Variants in TXNRD1 observed in about 807,000 individuals in gnomAD.
TXNRD1 encodes the protein thioredoxin reductase 1, also known as thioredoxin reductase 1, cytoplasmic.
A neutral mutation model predicts 80.3 loss-of-function variants in TXNRD1; 57 were observed. That is an observed-to-expected ratio of 0.71 (90% CI 0.57 to 0.89). The LOEUF is 0.89. Among genes scored for constraint, TXNRD1 ranks in the 40% least tolerant of loss-of-function variants. TXNRD1 has a pLI of 0.00. For synonymous variants in TXNRD1, 291 were observed against 285.2 expected, an observed-to-expected ratio of 1.02 and a Z score of -0.20; for missense variants, 730 against 803.0, an observed-to-expected ratio of 0.91 and a Z score of 1.10.
At chr12:104,302,458 C>A (rs368166699) in intron 4 of TXNRD1, among the ~76,000 whole-genome samples, 5 of 115,076 alleles carry the variant, frequency 4.3e-5, no homozygotes, top group African/African-American at 1.7e-4. Context: ...TGTGCATGTT[C>A]TCTTTAAAAA....
intron 10 of TXNRD1, among the ~76,000 whole-genome samples, chr12:104,323,511 G>A (rs1347411212): frequency 6.8e-6 from 1 of 147,718 alleles, no homozygotes; most frequent in African/African-American, 2.5e-5. Flanking sequence ...CCCGGACGGG[G>A]CGGCTGGCCG....
At chr12:104,288,743 C>T in intron 3 of TXNRD1, 188 bp from the exon 4 acceptor site, 1 of 1,467,740 alleles carries the variant, frequency 6.8e-7, no homozygotes, top group Non-Finnish European at 9.1e-7. Context: ...CGGGGTCAGA[C>T]TCCAAGCTTG....
chr12:104,339,327 G>A (rs1231357288), intron 16 of TXNRD1, 54 bp downstream of exon 16: 1 of 1,608,592 alleles, frequency 6.2e-7, no homozygotes, highest in Non-Finnish European at 8.5e-7. Flanking sequence ...CCACATAGAA[G>A]CACACCACCC....
intron 1 of TXNRD1, among the ~76,000 whole-genome samples, chr12:104,248,424 A>G (rs955760055): frequency 2.0e-5 from 3 of 152,164 alleles, no homozygotes; most frequent in African/African-American, 7.2e-5. Context: ...AGCTGGGATT[A>G]CAGGCGCGTG....
chr12:104,264,505 T>G (rs912513513), intron 3 of TXNRD1, among the ~76,000 whole-genome samples: 1 of 152,214 alleles, frequency 6.6e-6, no homozygotes, highest in African/African-American at 2.4e-5. Context: ...TTTGGTTTTG[T>G]CTATAAAAAT....
At chr12:104,295,751 A>C (rs529108184) in intron 4 of TXNRD1, among the ~76,000 whole-genome samples, 77 of 152,254 alleles carry the variant, frequency 5.1e-4, no homozygotes, top group Non-Finnish European at 9.6e-4. Flanking sequence ...TCCCACGACA[A>C]TCCCATAAGT....
intron 3 of TXNRD1, among the ~76,000 whole-genome samples, chr12:104,260,598 C>CA (rs2033347167): frequency 6.6e-6 from 1 of 152,164 alleles, no homozygotes; most frequent in Non-Finnish European, 1.5e-5. Flanking sequence ...TCCATAATAC[C>CA]ATGTTGTCTG....
intron 3 of TXNRD1, among the ~76,000 whole-genome samples, chr12:104,266,180 C>T (rs2033481643): frequency 6.6e-6 from 1 of 152,096 alleles, no homozygotes. Flanking sequence ...ATTGTAGTCA[C>T]TGTGTTGTAT....
At chr12:104,284,858 G>A (rs778735362) in intron 3 of TXNRD1, among the ~76,000 whole-genome samples, 2 of 152,130 alleles carry the variant, frequency 1.3e-5, no homozygotes, top group Non-Finnish European at 2.9e-5. Context: ...GATGCGAAAT[G>A]TATGATTAAA....
intron 4 of TXNRD1, among the ~76,000 whole-genome samples, chr12:104,293,718 AGT>A (rs1339072618): frequency 1.3e-5 from 2 of 152,146 alleles, no homozygotes; most frequent in Admixed American, 1.3e-4. Context: ...GCGACGAGAG[AGT>A]GTAGAAATAA....
chr12:104,215,837 C>A lies in TXNRD1; in HGVS notation c.35C>A (p.Ala12Asp). The change falls in exon 1 of 17, where the codon GCC (alanine) becomes GAC (aspartate). Residue 12 changes from alanine to aspartate, a missense_variant. By Grantham distance (126) the Ala-to-Asp change is moderately radical. Transcript: ENST00000525566. The stretch of plus-strand genomic sequence containing the variant: ...GCCGAGGGCAAGGCAGTGGCGGCGG[C>A]CGCCCCAACGGAGCTGCAGACGAAA... ...GCAEGKAVAA[A>D]APTELQTKGK... The A allele has an allele frequency of 6.4e-7, 1 of 1,561,222 alleles. No individual in the cohort carries two copies. The highest frequency in any genetic ancestry group is 1.9e-5 in the Admixed American group (1 of 51,908).
chr12:104,316,017 T>G, intron 7 of TXNRD1, 121 bp downstream of exon 7: 1 of 1,099,528 alleles, frequency 9.1e-7, no homozygotes, highest in Non-Finnish European at 1.3e-6. Flanking sequence ...ATTGTTTACA[T>G]TTTTGATGGA....
chr12:104,316,316 G>A (rs116279844), intron 7 of TXNRD1, among the ~76,000 whole-genome samples: 2 of 151,724 alleles, frequency 1.3e-5, no homozygotes, highest in Non-Finnish European at 3.0e-5. Context: ...GTTAGGCTTT[G>A]TTGGATTAAA....
chr12:104,304,528 T>C, intron 4 of TXNRD1: 3 of 1,613,948 alleles, frequency 1.9e-6, no homozygotes, highest in Non-Finnish European at 2.5e-6. Flanking sequence ...TGGAAGAAAA[T>C]GGCAACATGC....
At chr12:104,278,925 T>G (rs1390113822) in intron 3 of TXNRD1, among the ~76,000 whole-genome samples, 1 of 152,244 alleles carries the variant, frequency 6.6e-6, no homozygotes, top group Non-Finnish European at 1.5e-5. Flanking sequence ...ATTAACTAAG[T>G]AATATCTGCA....
At chr12:104,318,649 T>C (rs978824488) in intron 7 of TXNRD1, among the ~76,000 whole-genome samples, 5 of 152,218 alleles carry the variant, frequency 3.3e-5, no homozygotes, top group East Asian at 1.9e-4. Flanking sequence ...AGTTCGTTTC[T>C]AGATAAAGAA....
In TXNRD1 at chr12:104,304,793, A is replaced by T. The variant is rs866455204; in HGVS notation, c.415-6497A>T. The T allele has an allele frequency of 2.5e-6, 4 of 1,614,008 alleles. No homozygotes were observed. In the South Asian group the frequency reaches 3.3e-5, roughly 13 times the overall value. ...CAGGCTGCCAATATTAGAGCCGATG[A>T]ATGTTAACCAAATGGGTGAGGGAAA... On this transcript the variant is annotated intron_variant, in intron 4 of 16. Transcript: ENST00000525566.
intron 4 of TXNRD1, among the ~76,000 whole-genome samples, chr12:104,302,486 C>CTTTTTTGTTTTTTT (rs2034667820): frequency 1.3e-5 from 1 of 76,226 alleles, no homozygotes; most frequent in Non-Finnish European, 2.3e-5. Flanking sequence ...TATTCATTCC[C>CTTTTTTGTTTTTTT]TTTTTTTTTT....
intron 16 of TXNRD1, among the ~76,000 whole-genome samples, chr12:104,340,830 C>T (rs1032101058): frequency 2.0e-5 from 3 of 152,116 alleles, no homozygotes; most frequent in Admixed American, 2.0e-4. Context: ...TATGGGGACA[C>T]AATTCAACCC....
Sources: gnomAD v4.1 joint callset for allele counts (sites outside exome capture counted in the v4.1 genomes callset) on GRCh38, gnomAD v4.1.1 for gene constraint, MANE v1.5 for transcripts, NCBI Gene and HGNC (gene_info 2026-07-23, HGNC 2026-07-21) for gene names.